Variants in KIRREL3 observed in about 807,000 individuals in gnomAD.
KIRREL3 encodes kirre like nephrin family adhesion molecule 3, also known as kin of IRRE-like protein 3.
Under a neutral mutation model 89.7 loss-of-function variants are expected in KIRREL3, and 36 were observed. That is an observed-to-expected ratio of 0.40 (90% CI 0.31 to 0.53). The LOEUF (loss-of-function observed/expected upper bound fraction) is 0.53. KIRREL3 is among the 20% of genes least tolerant of loss of function. The pLI is 0.49. For missense variants in KIRREL3, 864 were observed against 1,056.6 expected, an observed-to-expected ratio of 0.82 and a Z score of 2.53; for synonymous variants, 445 against 441.4, an observed-to-expected ratio of 1.01 and a Z score of -0.10.
Position 126,555,702 on chromosome 11 carries a change from C to A in KIRREL3, c.133+7133G>T, listed in dbSNP as rs1249372983. ...GATGAAGTCAGAGGTAGGTAGGAAC[C>A]AGATCACGTGGCACCTTGTAGAACA... On this transcript the variant is annotated intron_variant, in intron 2 of 16. Transcript: ENST00000525144. The surrounding 1 kb of genome is among the most constrained non-coding windows in gnomAD (Gnocchi z 4.2). 4.0e-5 allele frequency among the ~76,000 whole-genome samples: 6 copies of A among 150,866 alleles called. No individual in the cohort carries two copies. Among genetic ancestry groups the A allele is most frequent in the African/African-American group, 1.5e-4 (6 of 41,134 alleles).
chr11:126,443,299 G>A lies in KIRREL3; in HGVS notation c.1252+1680C>T, dbSNP rs2134185754. Among the ~76,000 whole-genome samples, 1 of 152,316 alleles carries A rather than the reference G, an allele frequency of 6.6e-6. No homozygotes were observed. Among genetic ancestry groups the A allele is most frequent in the East Asian group, 1.9e-4 (1 of 5,178 alleles). ...CCGAGTGCCCTGGCTGGCGCGGGCT[G>A]TGTGGAGGGCCGCTGATTTCACTGG... On this transcript the variant is annotated intron_variant, in intron 10 of 16. Transcript: ENST00000525144. This position sits in a 1 kb window ranked among gnomAD's most constrained non-coding sequence, Gnocchi z 7.3.
rs1473424894 is a variant in KIRREL3, at chr11:126,609,156, G to A, written c.56-46244C>T. Among the ~76,000 whole-genome samples the A allele has an allele frequency of 6.6e-6, 1 of 152,178 alleles. No homozygotes were observed. Among genetic ancestry groups the A allele is most frequent in the Non-Finnish European group, 1.5e-5 (1 of 68,030 alleles). On this transcript the variant is annotated intron_variant, in intron 1 of 16. Coordinates refer to ENST00000525144, the MANE Select transcript of KIRREL3 (RefSeq NM_032531.4). This position sits in a 1 kb window ranked among gnomAD's most constrained non-coding sequence, Gnocchi z 5.0. ...CTGACCACCGCCCAGCCCAGGTTGG[G>A]TTTGTTTTCCCCGCTCTGAGACCGG...
rs752960245 is a variant in KIRREL3 at position 126,622,006 on chromosome 11, C to CTACAA, written c.56-59095_56-59094insTTGTA. On this transcript the variant is annotated intron_variant, in intron 1 of 16. Transcript: ENST00000525144. This position sits in a 1 kb window ranked among gnomAD's most constrained non-coding sequence, Gnocchi z 5.2. ...GGAAGGTACATTGTAGTCTCTGGGA[C>CTACAA]TGTTGGTTGTATTTCTGGACAGTTG... Among the ~76,000 whole-genome samples the CTACAA allele has an allele frequency of 2.6e-5, 4 of 152,158 alleles. No individual in the cohort carries two copies. The highest frequency in any genetic ancestry group is 5.9e-5 in the Non-Finnish European group (4 of 68,020).
At chr11:126,470,093 T>C (rs1956843816) in intron 5 of KIRREL3, among the ~76,000 whole-genome samples, 1 of 152,166 alleles carries the variant, frequency 6.6e-6, no homozygotes, top group Non-Finnish European at 1.5e-5. Context: ...GCCTTCACAA[T>C]GTAGACAAGG....
At chr11:126,434,060 G>A (rs993985169) in intron 13 of KIRREL3, among the ~76,000 whole-genome samples, 12 of 152,246 alleles carry the variant, frequency 7.9e-5, no homozygotes, top group Non-Finnish European at 1.5e-4. Context: ...GGGGGCGAGT[G>A]CCCCGGGGTG....
intron 1 of KIRREL3, among the ~76,000 whole-genome samples, chr11:126,930,835 A>C (rs78461276): frequency 6.6e-6 from 1 of 152,266 alleles, no homozygotes; most frequent in African/African-American, 2.4e-5. Flanking sequence ...CCCTGCACAC[A>C]GCTGACCAGG....
chr11:126,837,063 TAACA>T lies in KIRREL3; in HGVS notation c.55+163388_55+163391del, dbSNP rs1194664547. On this transcript the variant is annotated intron_variant, in intron 1 of 16. Coordinates refer to ENST00000525144, the MANE Select transcript of KIRREL3 (RefSeq NM_032531.4). The surrounding 1 kb of genome is among the most constrained non-coding windows in gnomAD (Gnocchi z 4.7). ...GGGGCGGGGGGTTGAATGAATGAACTAACAAACAGCTTCAGAGTAGCGTGGTTTA... is the reference window on the plus strand; with the variant it reads ...GGGGCGGGGGGTTGAATGAATGAACTAACAGCTTCAGAGTAGCGTGGTTTA... Among the ~76,000 whole-genome samples, 2 of 152,068 alleles carry T rather than the reference TAACA, an allele frequency of 1.3e-5. No individual in the cohort carries two copies. Among genetic ancestry groups the T allele is most frequent in the African/African-American group, 4.8e-5 (2 of 41,430 alleles).
Position 126,759,744 on chromosome 11 carries a change from C to T in KIRREL3, c.56-196832G>A, listed in dbSNP as rs972737561. 2.6e-5 allele frequency among the ~76,000 whole-genome samples: 4 copies of T among 152,204 alleles called. No individual in the cohort carries two copies. In the South Asian group the frequency reaches 8.3e-4, roughly 32 times the overall value. On this transcript the variant is annotated intron_variant, in intron 1 of 16. Coordinates refer to ENST00000525144, the MANE Select transcript of KIRREL3 (RefSeq NM_032531.4). ...ACATAAGTATATCTAACATCTTGCA[C>T]CCATTTCTATTCAGACAATAATGAA...
chr11:126,451,285 C>G (rs1032959229), intron 7 of KIRREL3, among the ~76,000 whole-genome samples: 7 of 110,638 alleles, frequency 6.3e-5, no homozygotes, highest in Non-Finnish European at 1.3e-4. Context: ...TGCATGTGTG[C>G]GTGTGTGCAT....
intron 1 of KIRREL3, among the ~76,000 whole-genome samples, chr11:126,595,272 G>C (rs189592690): frequency 4.9e-4 from 74 of 152,246 alleles, no homozygotes; most frequent in Non-Finnish European, 2.8e-4. Flanking sequence ...CCTGGCTCTG[G>C]AGAAATGCAG....
In KIRREL3 at chr11:126,636,219, G is replaced by C. The variant is rs1029731375; in HGVS notation, c.56-73307C>G. ...ATAATGGATACTTATGGCATACCCA[G>C]GGCATGGCATGTGCTAAGCATTCAA... On this transcript the variant is annotated intron_variant, in intron 1 of 16. Transcript: ENST00000525144. This position sits in a 1 kb window ranked among gnomAD's most constrained non-coding sequence, Gnocchi z 4.4. Among the ~76,000 whole-genome samples, 3 of 152,218 alleles carry C rather than the reference G, an allele frequency of 2.0e-5. No homozygotes were observed. The highest frequency in any genetic ancestry group is 2.9e-5 in the Non-Finnish European group (2 of 68,044).
chr11:126,880,247 T>G (rs1210489170), intron 1 of KIRREL3, among the ~76,000 whole-genome samples: 1 of 152,210 alleles, frequency 6.6e-6, no homozygotes, highest in Non-Finnish European at 1.5e-5. Flanking sequence ...AATTTCTAGT[T>G]GAAGATTCTG....
intron 1 of KIRREL3, among the ~76,000 whole-genome samples, chr11:126,914,710 CT>C (rs1277168065): frequency 6.6e-6 from 1 of 152,220 alleles, no homozygotes; most frequent in Non-Finnish European, 1.5e-5. Flanking sequence ...GATGCTGAGA[CT>C]TTCACTTTCA....
chr11:126,671,312 C>T (rs1945937438), intron 1 of KIRREL3, among the ~76,000 whole-genome samples: 3 of 151,798 alleles, frequency 2.0e-5, no homozygotes, highest in Admixed American at 1.3e-4. Context: ...AAAAAATCCC[C>T]CTGCCTCAGC....
chr11:126,580,704 G>C (rs1047218706), intron 1 of KIRREL3, among the ~76,000 whole-genome samples: 2 of 152,148 alleles, frequency 1.3e-5, no homozygotes, highest in Non-Finnish European at 1.5e-5. Context: ...GCAGGGCCAC[G>C]TGTGGGCCAG....
rs1214851043 is a variant in KIRREL3 at position 126,890,623 on chromosome 11, AAGG to A, written c.55+109829_55+109831del. ...GTCCCGTGGCTGCACATCCTGGCAA[AAGG>A]AGTTCATTTCGATGGCCAAGCAGCT... On this transcript the variant is annotated intron_variant, in intron 1 of 16. Coordinates refer to ENST00000525144, the MANE Select transcript of KIRREL3 (RefSeq NM_032531.4). This position sits in a 1 kb window ranked among gnomAD's most constrained non-coding sequence, Gnocchi z 5.1. Among the ~76,000 whole-genome samples, 2 of 152,180 alleles carry A rather than the reference AAGG, an allele frequency of 1.3e-5. No homozygotes were observed. Among genetic ancestry groups the A allele is most frequent in the East Asian group, 1.9e-4 (1 of 5,196 alleles).
rs1946658548 is a variant in KIRREL3 at position 126,686,193 on chromosome 11, C to T, written c.56-123281G>A. Among the ~76,000 whole-genome samples, 1 of 152,196 alleles carries T rather than the reference C, an allele frequency of 6.6e-6. No individual in the cohort carries two copies. Among genetic ancestry groups the T allele is most frequent in the African/African-American group, 2.4e-5 (1 of 41,438 alleles). ...TGTTGAGCTTCTCCTCCACAGCCCA[C>T]CCACCTGCAGGGGCTTTCTCACGTG... is the stretch of plus-strand genomic sequence containing the variant. On this transcript the variant is annotated intron_variant, in intron 1 of 16. Coordinates refer to ENST00000525144, the MANE Select transcript of KIRREL3 (RefSeq NM_032531.4). The surrounding 1 kb of genome is among the most constrained non-coding windows in gnomAD (Gnocchi z 4.7).
At chr11:126,911,655 C>A (rs1164939864) in intron 1 of KIRREL3, among the ~76,000 whole-genome samples, 1 of 152,162 alleles carries the variant, frequency 6.6e-6, no homozygotes, top group Non-Finnish European at 1.5e-5. Context: ...GAAGGACTTT[C>A]CTCTTCTGGG....
rs1176502721 is a variant in KIRREL3 at position 126,639,354 on chromosome 11, A to G, written c.56-76442T>C. Among the ~76,000 whole-genome samples the G allele has an allele frequency of 6.6e-6, 1 of 152,172 alleles. No individual in the cohort carries two copies. Among genetic ancestry groups the G allele is most frequent in the Admixed American group, 6.5e-5 (1 of 15,276 alleles). On this transcript the variant is annotated intron_variant, in intron 1 of 16. Coordinates refer to ENST00000525144, the MANE Select transcript of KIRREL3 (RefSeq NM_032531.4). This position sits in a 1 kb window ranked among gnomAD's most constrained non-coding sequence, Gnocchi z 4.3. ...GATTTTTGGGTCCTTTTCTTTTTGT[A>G]CCTCTGGGTAAGCAAAAGGAAAAAC...
Sources: gnomAD v4.1 joint callset for allele counts (sites outside exome capture counted in the v4.1 genomes callset) on GRCh38, gnomAD v4.1.1 for gene constraint, Gnocchi (gnomAD v3.1) non-coding constraint, MANE v1.5 for transcripts, NCBI Gene and HGNC (gene_info 2026-07-23, HGNC 2026-07-21) for gene names.